The following NAALADL2 variants were observed in gnomAD, a reference collection of about 807,000 sequenced individuals.
The protein encoded by NAALADL2 is inactive N-acetylated-alpha-linked acidic dipeptidase-like protein 2.
NAALADL2 carries 76 observed loss-of-function variants against 87.2 expected under a neutral mutation model. The observed-to-expected ratio is 0.87, with a 90% CI of 0.72 to 1.05. The LOEUF (loss-of-function observed/expected upper bound fraction) is 1.05, where lower values mean the gene tolerates loss of function less well. NAALADL2 is among the 50% of genes least tolerant of loss of function. The pLI, the probability that NAALADL2 is intolerant of heterozygous loss-of-function variation, is 0.00. For synonymous variants in NAALADL2, 354 were observed against 331.0 expected (o/e 1.07, Z -0.75); for missense variants, 1,089 against 945.8 (o/e 1.15, Z -1.99).
intron 1 of NAALADL2, among the ~76,000 whole-genome samples, chr3:174,948,662 C>T (rs554785876): frequency 6.6e-6 from 1 of 152,186 alleles, no homozygotes; most frequent in East Asian, 1.9e-4. Context: ...ATAAAGATGG[C>T]TTTTCTTTCT....
At chr3:174,796,608 T>A (rs1024704423) in intron 3 of NAALADL2, among the ~76,000 whole-genome samples, 14 of 145,078 alleles carry the variant, frequency 9.6e-5, no homozygotes, top group South Asian at 2.2e-4. Flanking sequence ...TATCACATTT[T>A]GAATCCGTTC....
At chr3:174,705,437 C>T (rs906490615) in intron 2 of NAALADL2, among the ~76,000 whole-genome samples, 1 of 152,152 alleles carries the variant, frequency 6.6e-6, no homozygotes. Flanking sequence ...TATCATTACA[C>T]AGTTACAATA....
At chr3:175,395,705 AT>A (rs1192580508) in intron 5 of NAALADL2, among the ~76,000 whole-genome samples, 1 of 152,192 alleles carries the variant, frequency 6.6e-6, no homozygotes, top group Non-Finnish European at 1.5e-5. Flanking sequence ...TTAATTGCTG[AT>A]TTCTGTATAA....
chr3:175,764,354 C>T (rs192234452), intron 13 of NAALADL2, among the ~76,000 whole-genome samples: 29 of 152,038 alleles, frequency 1.9e-4, no homozygotes, highest in Admixed American at 7.2e-4. Context: ...GAGAGCACAG[C>T]CCATTTGTAA....
At position 174,910,984 on chromosome 3, in the gene NAALADL2, T is replaced by C. The variant is rs1386111308; in HGVS notation, c.43+51534T>C. Among the ~76,000 whole-genome samples, 4 of 152,116 alleles carry C rather than the reference T, an allele frequency of 2.6e-5. No individual in the cohort carries two copies. The East Asian group carries it at 7.7e-4, about 29-fold the overall frequency. Reference sequence around the variant, plus strand: ...GAGCTTCCAGGCTGCACTTGCATCTTGTTTATCTCACGGTTCTCAGGGGCC... The same window carrying C: ...GAGCTTCCAGGCTGCACTTGCATCTCGTTTATCTCACGGTTCTCAGGGGCC... On this transcript the variant is annotated intron_variant, in intron 1 of 13. Transcript: ENST00000454872.
chr3:175,772,076 C>G (rs1178572497), intron 13 of NAALADL2, among the ~76,000 whole-genome samples: 1 of 152,068 alleles, frequency 6.6e-6, no homozygotes, highest in East Asian at 1.9e-4. Context: ...GGGACACAGC[C>G]AAACCGTATC....
chr3:174,745,125 C>CA (rs1279986838), intron 3 of NAALADL2, among the ~76,000 whole-genome samples: 3 of 151,312 alleles, frequency 2.0e-5, no homozygotes, highest in African/African-American at 7.3e-5. Flanking sequence ...GATAGAGACA[C>CA]AAAAAACCCT....
intron 2 of NAALADL2, among the ~76,000 whole-genome samples, chr3:175,135,515 G>T (rs1728979838): frequency 6.6e-6 from 1 of 152,012 alleles, no homozygotes; most frequent in Admixed American, 6.6e-5. Context: ...GGCTTATGAA[G>T]ATTTTTAATA....
At chr3:175,702,269 A>C (rs1377706805) in intron 11 of NAALADL2, among the ~76,000 whole-genome samples, 3 of 152,192 alleles carry the variant, frequency 2.0e-5, no homozygotes, top group African/African-American at 7.2e-5. Context: ...GCTTTTATTC[A>C]AAACTGAAAA....
intron 3 of NAALADL2, among the ~76,000 whole-genome samples, chr3:174,826,527 C>A (rs1722017896): frequency 6.6e-6 from 1 of 152,172 alleles, no homozygotes; most frequent in Admixed American, 6.5e-5. Flanking sequence ...AATAAGTAAT[C>A]AGTAAACATT....
At chr3:175,193,679 A>G (rs1738547855) in intron 2 of NAALADL2, among the ~76,000 whole-genome samples, 1 of 151,938 alleles carries the variant, frequency 6.6e-6, no homozygotes, top group Admixed American at 6.5e-5. Flanking sequence ...ACAAAAAACA[A>G]AAACAAAACA....
intron 2 of NAALADL2, among the ~76,000 whole-genome samples, chr3:175,156,177 G>A (rs1377678366): frequency 6.6e-6 from 1 of 152,082 alleles, no homozygotes. Context: ...TTGTGAGGGA[G>A]GAACAAATAC....
chr3:174,579,826 C>A (rs1173050731), intron 2 of NAALADL2, among the ~76,000 whole-genome samples: 2 of 151,728 alleles, frequency 1.3e-5, no homozygotes, highest in Non-Finnish European at 2.9e-5. Flanking sequence ...TATTTTAAAC[C>A]CACTTGTATG....
chr3:175,468,933 G>A (rs938687264), intron 8 of NAALADL2, among the ~76,000 whole-genome samples: 1 of 151,986 alleles, frequency 6.6e-6, no homozygotes, highest in Non-Finnish European at 1.5e-5. Flanking sequence ...TGTACCTTTT[G>A]ATAATTGTAT....
chr3:174,830,417 AG>A (rs1722535104), intron 3 of NAALADL2, among the ~76,000 whole-genome samples: 1 of 152,178 alleles, frequency 6.6e-6, no homozygotes, highest in African/African-American at 2.4e-5. Context: ...AAGATCAGAT[AG>A]TTATAGATAT....
At chr3:174,751,555 C>T (rs1024812029) in intron 3 of NAALADL2, among the ~76,000 whole-genome samples, 2 of 149,950 alleles carry the variant, frequency 1.3e-5, no homozygotes, top group Non-Finnish European at 3.0e-5. Context: ...CCCAGCGACT[C>T]GGGTGGCTGA....
chr3:174,512,959 A>ATT (rs775660030), intron 1 of NAALADL2, among the ~76,000 whole-genome samples: 9 of 137,654 alleles, frequency 6.5e-5, no homozygotes, highest in South Asian at 4.6e-4. Flanking sequence ...AATAAGCTTG[A>ATT]TTTTTTTTTT....
At chr3:175,299,720 T>C (rs1218939253) in intron 4 of NAALADL2, among the ~76,000 whole-genome samples, 1 of 152,122 alleles carries the variant, frequency 6.6e-6, no homozygotes, top group Non-Finnish European at 1.5e-5. Flanking sequence ...TTTCTAAATA[T>C]GTTGTCTCCA....
chr3:175,660,379 T>C (rs1250087835), intron 11 of NAALADL2, among the ~76,000 whole-genome samples: 1 of 152,168 alleles, frequency 6.6e-6, no homozygotes, highest in Non-Finnish European at 1.5e-5. Context: ...CCTTTTTTCG[T>C]TGATATGTCA....
Sources: gnomAD v4.1 joint callset for allele counts (sites outside exome capture counted in the v4.1 genomes callset) on GRCh38, gnomAD v4.1.1 for gene constraint, MANE v1.5 for transcripts, NCBI Gene and HGNC (gene_info 2026-07-23, HGNC 2026-07-21) for gene names.